Variants in CSMD1 observed in about 807,000 individuals in gnomAD.
CSMD1 encodes the protein CUB and Sushi multiple domains 1.
A neutral mutation model predicts 417.5 loss-of-function variants in CSMD1; 213 were observed. The observed-to-expected ratio is 0.51, with a 90% CI of 0.46 to 0.57. The LOEUF (loss-of-function observed/expected upper bound fraction) is 0.57, where lower values mean the gene tolerates loss of function less well. Ranked by LOEUF, CSMD1 falls within the 20% of genes least tolerant of loss-of-function variation. CSMD1 has a pLI of 0.00. For synonymous variants in CSMD1, 2,862 were observed against 1,736.8 expected, an observed-to-expected ratio of 1.65 and a Z score of -16.11; for missense variants, 6,923 against 4,529.7, an observed-to-expected ratio of 1.53 and a Z score of -15.17.
At chr8:3,108,834 T>G in intron 43 of CSMD1, 86 bp from the exon 44 acceptor site, 1 of 1,353,476 alleles carries the variant, frequency 7.4e-7, no homozygotes, top group Non-Finnish European at 1.0e-6. Context: ...AATTAATTTT[T>G]TTAATAAAAG....
intron 8 of CSMD1, among the ~76,000 whole-genome samples, chr8:3,608,039 G>C (rs1400807921): frequency 4.6e-5 from 7 of 152,244 alleles, no homozygotes; most frequent in Non-Finnish European, 7.4e-5. Flanking sequence ...AGCCGTGGTG[G>C]TATGTGCCTG....
At chr8:3,617,792 T>C (rs1802216556) in intron 7 of CSMD1, among the ~76,000 whole-genome samples, 1 of 152,194 alleles carries the variant, frequency 6.6e-6, no homozygotes, top group Admixed American at 6.5e-5. Context: ...CATTCTGTTG[T>C]ATTTATTATA....
intron 7 of CSMD1, among the ~76,000 whole-genome samples, chr8:3,662,273 C>A (rs1007756623): frequency 6.6e-6 from 1 of 152,206 alleles, no homozygotes; most frequent in African/African-American, 2.4e-5. Context: ...TTTTTATTTT[C>A]TTTCTCATTG....
intron 10 of CSMD1, among the ~76,000 whole-genome samples, chr8:3,549,923 T>C (rs56290571): frequency 0.34 from 51,873 of 152,106 alleles, 9,202 homozygotes; most frequent in East Asian, 0.4. Flanking sequence ...AGCAGATTTA[T>C]TGAAAGAAAA....
At chr8:4,919,846 C>T (rs1157204673) in intron 1 of CSMD1, among the ~76,000 whole-genome samples, 1 of 152,062 alleles carries the variant, frequency 6.6e-6, no homozygotes, top group Admixed American at 6.6e-5. Context: ...GCCCTTTCAC[C>T]TTCTTTCATG....
At chr8:2,948,743 G>T (rs1207404802) in intron 68 of CSMD1, among the ~76,000 whole-genome samples, 1 of 152,002 alleles carries the variant, frequency 6.6e-6, no homozygotes, top group Non-Finnish European at 1.5e-5. Context: ...AAAAATTCTA[G>T]ACAGAAAATT....
At chr8:3,517,271 G>C (rs1387153226) in intron 10 of CSMD1, among the ~76,000 whole-genome samples, 3 of 152,160 alleles carry the variant, frequency 2.0e-5, no homozygotes, top group Non-Finnish European at 4.4e-5. Context: ...ACAGAGTTGT[G>C]AATCACAAGA....
chr8:3,947,400 C>T (rs951141561), intron 5 of CSMD1, among the ~76,000 whole-genome samples: 10 of 152,122 alleles, frequency 6.6e-5, no homozygotes, highest in Non-Finnish European at 2.9e-5. Context: ...GACGTGCTAT[C>T]CTTTTTATAA....
chr8:4,847,024 G>A (rs1801184148), intron 1 of CSMD1, among the ~76,000 whole-genome samples: 2 of 152,050 alleles, frequency 1.3e-5, no homozygotes, highest in Middle Eastern at 3.4e-3. Flanking sequence ...GAAACAACTT[G>A]TGTTTTTAAA....
At chr8:4,378,723 A>G (rs1489959318) in intron 3 of CSMD1, among the ~76,000 whole-genome samples, 1 of 152,190 alleles carries the variant, frequency 6.6e-6, no homozygotes, top group Non-Finnish European at 1.5e-5. Context: ...GTGGTCTTAG[A>G]AGGTGAGGCC....
intron 26 of CSMD1, among the ~76,000 whole-genome samples, chr8:3,256,309 G>GAAAAAAAAAAAAAA (rs61572877): frequency 1.2e-5 from 1 of 81,428 alleles, no homozygotes; most frequent in African/African-American, 4.9e-5. Flanking sequence ...TAAGTCTCAA[G>GAAAAAAAAAAAAAA]AAAAAAAAAA....
chr8:3,919,467 C>A (rs568681537), intron 5 of CSMD1, among the ~76,000 whole-genome samples: 5 of 152,082 alleles, frequency 3.3e-5, no homozygotes, highest in Admixed American at 6.6e-5. Flanking sequence ...CACTTTCTGG[C>A]TTTCTATTCT....
intron 50 of CSMD1, among the ~76,000 whole-genome samples, chr8:3,041,001 A>C (rs1811054323): frequency 1.3e-5 from 2 of 152,182 alleles, no homozygotes; most frequent in Admixed American, 1.3e-4. Flanking sequence ...TTCTCTGCCT[A>C]ATATTGCAAA....
chr8:3,299,541 C>A (rs17079804), intron 25 of CSMD1, among the ~76,000 whole-genome samples: 4 of 147,384 alleles, frequency 2.7e-5, no homozygotes, highest in Admixed American at 7.1e-5. Context: ...CATCCTCCAA[C>A]GCACAGTGTC....
chr8:3,228,112 T>A lies in CSMD1; in HGVS notation c.4345+1928A>T, dbSNP rs1406379358. ...TTACATATACATAATTATGAAATCA[T>A]TTATAAATGTCTATATTAATTGTAA... On this transcript the variant is annotated intron_variant, in intron 27 of 69. Transcript: ENST00000635120. Among the ~76,000 whole-genome samples, 6 of 152,332 alleles carry A rather than the reference T, an allele frequency of 3.9e-5. No individual in the cohort carries two copies. The South Asian group carries it at 1.0e-3, about 26-fold the overall frequency.
intron 2 of CSMD1, among the ~76,000 whole-genome samples, chr8:4,456,639 G>C (rs2129897301): frequency 6.6e-6 from 1 of 152,248 alleles, no homozygotes; most frequent in East Asian, 1.9e-4. Flanking sequence ...TTAATCATCA[G>C]TATGGCAGAG....
chr8:3,198,157 G>C (rs962348210), intron 33 of CSMD1, among the ~76,000 whole-genome samples: 1 of 151,960 alleles, frequency 6.6e-6, no homozygotes, highest in Non-Finnish European at 1.5e-5. Flanking sequence ...GCCTACCAAG[G>C]ACAACATTTG....
chr8:4,128,888 C>G (rs1802922644), intron 3 of CSMD1, among the ~76,000 whole-genome samples: 2 of 152,038 alleles, frequency 1.3e-5, no homozygotes, highest in African/African-American at 4.8e-5. Flanking sequence ...ATGAATATTT[C>G]TGTCTCGTAC....
intron 5 of CSMD1, among the ~76,000 whole-genome samples, chr8:3,867,425 T>A (rs1457932479): frequency 6.6e-6 from 1 of 152,104 alleles, no homozygotes; most frequent in African/African-American, 2.4e-5. Flanking sequence ...CTCAGGAGTA[T>A]TTGCCCTTGA....
Sources: gnomAD v4.1 joint callset for allele counts (sites outside exome capture counted in the v4.1 genomes callset) on GRCh38, gnomAD v4.1.1 for gene constraint, MANE v1.5 for transcripts, NCBI Gene and HGNC (gene_info 2026-07-23, HGNC 2026-07-21) for gene names.